Variants in PARD3B observed in about 807,000 individuals in gnomAD.
PARD3B encodes the protein partitioning defective 3 homolog B.
A neutral mutation model predicts 130.2 loss-of-function variants in PARD3B; 103 were observed. That is an observed-to-expected ratio of 0.79 (90% CI 0.67 to 0.93). The LOEUF (loss-of-function observed/expected upper bound fraction) is 0.93, where lower values mean the gene tolerates loss of function less well. PARD3B is among the 40% of genes least tolerant of loss of function. The pLI is 0.00. For missense variants in PARD3B, 1,609 were observed against 1,499.2 expected (o/e 1.07, Z -1.21); for synonymous variants, 583 against 553.2 (o/e 1.05, Z -0.76).
chr2:205,559,242 C>T (rs1275283404), intron 22 of PARD3B, among the ~76,000 whole-genome samples: 1 of 152,130 alleles, frequency 6.6e-6, no homozygotes, highest in Non-Finnish European at 1.5e-5. Context: ...GCCTCCCAGG[C>T]TCAAGCATTT....
chr2:204,857,904 A>G lies in PARD3B; in HGVS notation c.223-107248A>G, dbSNP rs149263416. On this transcript the variant is annotated intron_variant, in intron 2 of 22. Transcript: ENST00000406610. ...AACCCCATTAAGAGCTCATCCCAAG[A>G]CAAAAGGAATGAGACAAACATATCC... Among the ~76,000 whole-genome samples the G allele has an allele frequency of 3.6e-3, 544 of 152,306 alleles. 2 individuals carry two copies. Among genetic ancestry groups the G allele is most frequent in the African/African-American group, 0.013 (523 of 41,578 alleles).
At chr2:205,113,647 A>G in intron 6 of PARD3B, 70 bp downstream of exon 6, 5 of 1,140,582 alleles carry the variant, frequency 4.4e-6, no homozygotes, top group South Asian at 2.8e-5. Context: ...TTTCCCAAAT[A>G]TTTTTCACAA....
At chr2:204,720,316 T>C (rs1005201781) in intron 2 of PARD3B, among the ~76,000 whole-genome samples, 1 of 152,132 alleles carries the variant, frequency 6.6e-6, no homozygotes, top group African/African-American at 2.4e-5. Context: ...TGATGTAGCT[T>C]TTGTAGTCAT....
intron 2 of PARD3B, among the ~76,000 whole-genome samples, chr2:204,725,532 T>G (rs2039184931): frequency 1.3e-5 from 2 of 152,302 alleles, no homozygotes; most frequent in South Asian, 4.1e-4. Context: ...AGAACTATAA[T>G]CAAGTCAGAA....
At chr2:205,433,384 T>C (rs2047402484) in intron 19 of PARD3B, among the ~76,000 whole-genome samples, 1 of 151,978 alleles carries the variant, frequency 6.6e-6, no homozygotes, top group Non-Finnish European at 1.5e-5. Context: ...AGTACAAAAT[T>C]AGCCAGGCAT....
chr2:204,598,047 G>A (rs572751256), intron 1 of PARD3B, among the ~76,000 whole-genome samples: 4 of 152,104 alleles, frequency 2.6e-5, no homozygotes, highest in South Asian at 4.2e-4. Context: ...TTTCTAGAGG[G>A]GAATTTGATA....
intron 15 of PARD3B, among the ~76,000 whole-genome samples, chr2:205,217,754 A>G (rs1009152622): frequency 1.3e-5 from 2 of 149,734 alleles, no homozygotes; most frequent in Non-Finnish European, 3.0e-5. Context: ...ATGTGTGTAT[A>G]TATGTGTGTA....
intron 1 of PARD3B, among the ~76,000 whole-genome samples, chr2:204,619,729 A>C (rs1361002728): frequency 6.6e-6 from 1 of 152,228 alleles, no homozygotes; most frequent in Non-Finnish European, 1.5e-5. Flanking sequence ...GAGTTAGAAG[A>C]CAAAGATACA....
At chr2:205,077,441 T>C (rs1701137157) in intron 4 of PARD3B, among the ~76,000 whole-genome samples, 1 of 152,204 alleles carries the variant, frequency 6.6e-6, no homozygotes, top group African/African-American at 2.4e-5. Flanking sequence ...TAAGTAACAA[T>C]TCAGTCATAC....
rs577126610 is a variant in PARD3B at position 205,101,667 on chromosome 2, G to A, written c.505-2759G>A. 9.8e-5 allele frequency among the ~76,000 whole-genome samples: 15 copies of A among 152,288 alleles called. No homozygotes were observed. The East Asian group carries it at 2.7e-3, about 27-fold the overall frequency. On this transcript the variant is annotated intron_variant, in intron 4 of 22. Coordinates refer to ENST00000406610, the MANE Select transcript of PARD3B (RefSeq NM_001302769.2). Reference sequence around the variant, plus strand: ...CTGATGAATGGATAAACTTAGTGTGGTATATCCATAAAGTGGAATATTGTT... The same window carrying A: ...CTGATGAATGGATAAACTTAGTGTGATATATCCATAAAGTGGAATATTGTT...
chr2:204,933,449 TTAAG>T (rs1456809966), intron 2 of PARD3B, among the ~76,000 whole-genome samples: 1 of 152,210 alleles, frequency 6.6e-6, no homozygotes, highest in Non-Finnish European at 1.5e-5. Flanking sequence ...TGTGGCTTTA[TTAAG>T]TGTTTTGTTC....
chr2:205,223,241 G>T (rs767268776), intron 15 of PARD3B, among the ~76,000 whole-genome samples: 75 of 152,162 alleles, frequency 4.9e-4, no homozygotes, highest in Non-Finnish European at 9.6e-4. Flanking sequence ...ACAAATCTGG[G>T]ATACAAAGAT....
chr2:204,702,926 C>G (rs1317041787), intron 2 of PARD3B, among the ~76,000 whole-genome samples: 1 of 152,106 alleles, frequency 6.6e-6, no homozygotes, highest in Non-Finnish European at 1.5e-5. Flanking sequence ...TGAAGAAGCA[C>G]TTTTAAATGT....
At chr2:204,630,799 G>A (rs1286353066) in intron 1 of PARD3B, among the ~76,000 whole-genome samples, 2 of 152,036 alleles carry the variant, frequency 1.3e-5, no homozygotes, top group African/African-American at 4.8e-5. Flanking sequence ...TTTCTGTGGG[G>A]TCAGTGATAA....
At chr2:204,864,702 C>A (rs1234411224) in intron 2 of PARD3B, among the ~76,000 whole-genome samples, 1 of 152,128 alleles carries the variant, frequency 6.6e-6, no homozygotes. Context: ...GTCTATCTCC[C>A]ACTTTTGAAT....
chr2:204,577,854 C>T (rs1053377326), intron 1 of PARD3B, among the ~76,000 whole-genome samples: 1 of 152,162 alleles, frequency 6.6e-6, no homozygotes, highest in Admixed American at 6.5e-5. Flanking sequence ...AGACATCAGC[C>T]ACTGTGCCCA....
intron 2 of PARD3B, among the ~76,000 whole-genome samples, chr2:204,891,621 C>G (rs2046449448): frequency 6.6e-6 from 1 of 152,128 alleles, no homozygotes. Context: ...TGCAATACTG[C>G]AGTAAAAAGC....
chr2:204,553,593 C>CAGATATATGT (rs2030640041), intron 1 of PARD3B, among the ~76,000 whole-genome samples: 1 of 115,924 alleles, frequency 8.6e-6, no homozygotes, highest in Admixed American at 9.9e-5. Flanking sequence ...AGGCTATATA[C>CAGATATATGT]ATATATATGT....
intron 15 of PARD3B, among the ~76,000 whole-genome samples, chr2:205,227,504 C>T (rs779895127): frequency 6.6e-6 from 1 of 152,092 alleles, no homozygotes; most frequent in Non-Finnish European, 1.5e-5. Flanking sequence ...CCTACTCCTG[C>T]TCTTTTTTAG....
Sources: allele counts gnomAD v4.1 joint callset (sites outside exome capture counted in the v4.1 genomes callset), GRCh38; gene constraint gnomAD v4.1.1; transcripts MANE v1.5; gene names NCBI Gene and HGNC (gene_info 2026-07-23, HGNC 2026-07-21).